B3GALT1: variants seen among roughly 807,000 people sequenced by gnomAD.
B3GALT1 encodes the protein beta-1,3-galactosyltransferase 1, also known as UDP-Gal:betaGlcNAc beta 1,3-galactosyltransferase, polypeptide 1.
B3GALT1 carries 10 observed loss-of-function variants against 23.2 expected under a neutral mutation model. The ratio of observed to expected loss-of-function variants is 0.43; its 90% CI spans 0.27 to 0.73. The LOEUF is 0.73. Among genes scored for constraint, B3GALT1 ranks in the 30% least tolerant of loss-of-function variants. The pLI is 0.21. For missense variants in B3GALT1, 299 were observed against 405.4 expected (o/e 0.74, Z 2.25); for synonymous variants, 156 against 141.5 (o/e 1.10, Z -0.73).
At chr2:167,454,043 G>T (rs1044218916) in intron 1 of B3GALT1, among the ~76,000 whole-genome samples, 1 of 152,046 alleles carries the variant, frequency 6.6e-6, no homozygotes, top group Non-Finnish European at 1.5e-5. Flanking sequence ...TCTGATTTTT[G>T]TATCTGTGCA....
Position 167,552,392 on chromosome 2 carries a change from A to T in B3GALT1, c.-410+62115A>T, listed in dbSNP as rs563372649. Among the ~76,000 whole-genome samples, 57 of 152,292 alleles carry T rather than the reference A, an allele frequency of 3.7e-4. 1 individual carries two copies. In the South Asian group the frequency reaches 0.011, roughly 29 times the overall value. On this transcript the variant is annotated intron_variant, in intron 2 of 4. Coordinates refer to ENST00000392690, the MANE Select transcript of B3GALT1 (RefSeq NM_020981.4). ...TACAACCTTGCATTTATCTGTTTTT[A>T]TGAAAATAAACGCAAGTATTTATTT...
intron 2 of B3GALT1, among the ~76,000 whole-genome samples, chr2:167,511,626 G>T (rs1333832342): frequency 2.0e-5 from 3 of 152,072 alleles, no homozygotes; most frequent in Non-Finnish European, 4.4e-5. Context: ...CTTAATTTTA[G>T]ATATACCAAA....
intron 1 of B3GALT1, among the ~76,000 whole-genome samples, chr2:167,380,334 C>A (rs988105687): frequency 6.6e-6 from 1 of 152,198 alleles, no homozygotes; most frequent in African/African-American, 2.4e-5. Context: ...ATGGCACAGG[C>A]AGCTCAGTTC....
At chr2:167,805,355 G>T (rs1097480) in intron 3 of B3GALT1, among the ~76,000 whole-genome samples, 30,781 of 151,856 alleles carry the variant, frequency 0.2, 3,698 homozygotes, top group East Asian at 0.37. Context: ...GTCAATTTTG[G>T]CTTTTGTTGC....
intron 1 of B3GALT1, among the ~76,000 whole-genome samples, chr2:167,462,684 G>A (rs1461811226): frequency 6.6e-6 from 1 of 152,134 alleles, no homozygotes; most frequent in African/African-American, 2.4e-5. Context: ...TGAGGAGACA[G>A]GAATCGTAAT....
At chr2:167,642,577 A>G (rs1685672082) in intron 2 of B3GALT1, among the ~76,000 whole-genome samples, 1 of 152,174 alleles carries the variant, frequency 6.6e-6, no homozygotes, top group Admixed American at 6.5e-5. Context: ...TCTGACATTG[A>G]TCTTAAAAAA....
chr2:167,325,322 T>G (rs1696876004), intron 1 of B3GALT1, among the ~76,000 whole-genome samples: 1 of 152,012 alleles, frequency 6.6e-6, no homozygotes, highest in Non-Finnish European at 1.5e-5. Flanking sequence ...GGCTCACAGG[T>G]CTGTAGGCTG....
intron 3 of B3GALT1, among the ~76,000 whole-genome samples, chr2:167,771,579 A>G (rs1005082892): frequency 1.3e-5 from 2 of 152,264 alleles, no homozygotes; most frequent in Non-Finnish European, 2.9e-5. Flanking sequence ...TCAAAAAAAC[A>G]AAAACAAACA....
At chr2:167,594,833 G>A (rs1684748140) in intron 2 of B3GALT1, among the ~76,000 whole-genome samples, 1 of 152,070 alleles carries the variant, frequency 6.6e-6, no homozygotes. Flanking sequence ...TTGCACATGG[G>A]AGATGGAGGT....
At chr2:167,799,216 G>T (rs979178269) in intron 3 of B3GALT1, among the ~76,000 whole-genome samples, 2 of 152,118 alleles carry the variant, frequency 1.3e-5, no homozygotes, top group African/African-American at 4.8e-5. Flanking sequence ...AGCTTTAGGG[G>T]TACAAGTAGT....
rs373940337 is a variant in B3GALT1, at chr2:167,636,140, G to A, written c.-409-10769G>A. ...TGAACTGAACTAAGTAATGAGCACAGTAAAAGCAACTTTGTCAGCAGCTGA... is the reference window on the plus strand; with the variant it reads ...TGAACTGAACTAAGTAATGAGCACAATAAAAGCAACTTTGTCAGCAGCTGA... On this transcript the variant is annotated intron_variant, in intron 2 of 4. Coordinates refer to ENST00000392690, the MANE Select transcript of B3GALT1 (RefSeq NM_020981.4). 3.3e-4 allele frequency among the ~76,000 whole-genome samples: 50 copies of A among 152,024 alleles called. 1 individual carries two copies. The highest frequency in any genetic ancestry group is 1.0e-3 in the African/African-American group (43 of 41,502).
intron 2 of B3GALT1, among the ~76,000 whole-genome samples, chr2:167,589,646 T>G (rs901918947): frequency 6.6e-6 from 1 of 152,188 alleles, no homozygotes; most frequent in Non-Finnish European, 1.5e-5. Context: ...TTATTTATTT[T>G]CATTAATCTG....
At chr2:167,298,614 A>G (rs535399079) in intron 1 of B3GALT1, among the ~76,000 whole-genome samples, 1 of 152,104 alleles carries the variant, frequency 6.6e-6, no homozygotes, top group Non-Finnish European at 1.5e-5. Context: ...TATAGACTCT[A>G]TAGAATTTAG....
intron 1 of B3GALT1, among the ~76,000 whole-genome samples, chr2:167,296,786 TCA>T (rs1696358321): frequency 6.6e-6 from 1 of 152,166 alleles, no homozygotes; most frequent in Admixed American, 6.5e-5. Flanking sequence ...TATGAGTAAA[TCA>T]CACAAAGATC....
chr2:167,563,916 A>C (rs1574140609), intron 2 of B3GALT1, among the ~76,000 whole-genome samples: 1 of 81,526 alleles, frequency 1.2e-5, no homozygotes. Flanking sequence ...CGATCCCCCC[A>C]CCTCCCTCCC....
intron 3 of B3GALT1, among the ~76,000 whole-genome samples, chr2:167,788,496 C>T (rs925676889): frequency 4.6e-5 from 7 of 151,936 alleles, no homozygotes; most frequent in South Asian, 2.1e-4. Context: ...TCTCATAAGG[C>T]GCATGCAACC....
intron 2 of B3GALT1, among the ~76,000 whole-genome samples, chr2:167,591,112 G>T (rs1385571466): frequency 1.3e-5 from 2 of 152,146 alleles, no homozygotes; most frequent in African/African-American, 4.8e-5. Flanking sequence ...ATAAATAAGT[G>T]AAATAAATAA....
intron 3 of B3GALT1, among the ~76,000 whole-genome samples, chr2:167,679,634 T>C (rs1435545887): frequency 6.6e-6 from 1 of 152,256 alleles, no homozygotes; most frequent in Non-Finnish European, 1.5e-5. Flanking sequence ...TCCCAGTAGT[T>C]ACAATTGTGG....
chr2:167,858,373 G>T (rs1055301108), intron 4 of B3GALT1, among the ~76,000 whole-genome samples: 49 of 146,106 alleles, frequency 3.4e-4, no homozygotes, highest in South Asian at 3.0e-3. Context: ...AACTGCTTTT[G>T]CACCAATTAG....
Sources: allele counts gnomAD v4.1 joint callset (sites outside exome capture counted in the v4.1 genomes callset), GRCh38; gene constraint gnomAD v4.1.1; transcripts MANE v1.5; gene names NCBI Gene and HGNC (gene_info 2026-07-23, HGNC 2026-07-21).